ADAMTS6: variants seen among roughly 807,000 people sequenced by gnomAD.
ADAMTS6 encodes A disintegrin and metalloproteinase with thrombospondin motifs 6.
A neutral mutation model predicts 144.3 loss-of-function variants in ADAMTS6; 23 were observed. That is an observed-to-expected ratio of 0.16 (90% CI 0.11 to 0.23). The LOEUF (loss-of-function observed/expected upper bound fraction) is 0.23, where lower values mean the gene tolerates loss of function less well. Among genes scored for constraint, ADAMTS6 ranks in the 10% least tolerant of loss-of-function variants. The pLI is 1.00. For missense variants in ADAMTS6, 999 were observed against 1,379.6 expected (o/e 0.72, Z 4.37); for synonymous variants, 444 against 457.5 (o/e 0.97, Z 0.38).
At chr5:65,270,194 C>G (rs998712114) in intron 12 of ADAMTS6, among the ~76,000 whole-genome samples, 2 of 152,096 alleles carry the variant, frequency 1.3e-5, no homozygotes, top group Admixed American at 6.6e-5. Context: ...GAAAGTTGAC[C>G]AGATTAATTG....
At chr5:65,172,640 C>G (rs143936261) in intron 23 of ADAMTS6, among the ~76,000 whole-genome samples, 192 bp downstream of exon 23, 20 of 152,286 alleles carry the variant, frequency 1.3e-4, no homozygotes, top group Non-Finnish European at 2.6e-4. Context: ...GGGAGAATCA[C>G]TGGCTCACTC....
intron 9 of ADAMTS6, among the ~76,000 whole-genome samples, chr5:65,302,199 G>T (rs10940026): frequency 0.62 from 85,689 of 138,810 alleles, 27,860 homozygotes; most frequent in African/African-American, 0.86. Flanking sequence ...ATATTTATAT[G>T]ATATTATACA....
intron 22 of ADAMTS6, among the ~76,000 whole-genome samples, chr5:65,177,125 C>A (rs369078650): frequency 2.0e-5 from 3 of 152,272 alleles, no homozygotes; most frequent in African/African-American, 7.2e-5. Flanking sequence ...AAGGACCCTA[C>A]CTTGTGCTGT....
At chr5:65,218,682 C>A (rs1289496188) in intron 18 of ADAMTS6, among the ~76,000 whole-genome samples, 1 of 151,646 alleles carries the variant, frequency 6.6e-6, no homozygotes, top group African/African-American at 2.4e-5. Context: ...GGAAGTATGC[C>A]AGATAATGGT....
chr5:65,228,241 AGGCT>A (rs145045945), intron 15 of ADAMTS6, among the ~76,000 whole-genome samples: 29,066 of 151,984 alleles, frequency 0.19, 3,715 homozygotes, highest in African/African-American at 0.37. Flanking sequence ...TTTGTGCATT[AGGCT>A]TTAAAAAGAG....
At chr5:65,374,056 C>G (rs914991964) in intron 7 of ADAMTS6, among the ~76,000 whole-genome samples, 1 of 152,194 alleles carries the variant, frequency 6.6e-6, no homozygotes, top group African/African-American at 2.4e-5. Flanking sequence ...CAAAATTCAA[C>G]AACCCTTCAT....
chr5:65,246,154 G>C (rs553631519), intron 14 of ADAMTS6, among the ~76,000 whole-genome samples: 278 of 152,178 alleles, frequency 1.8e-3, no homozygotes, highest in African/African-American at 6.4e-3. Flanking sequence ...GCAATTATTC[G>C]CAGGTTCTTC....
chr5:65,453,050 T>A lies in ADAMTS6; in HGVS notation c.632-132A>T, dbSNP rs186125225. 2.2e-5 allele frequency: 14 copies of A among 638,216 alleles called. No homozygotes were observed. The East Asian group carries it at 4.2e-4, about 19-fold the overall frequency. 39.5% of individuals were successfully genotyped at this position (638,216 alleles called of 1,614,324 possible). A position where few individuals can be genotyped will look rare whatever the true frequency, so the allele number is the denominator to read the frequency against. ...TTTCAAAGAGAAGAGAATGAGAAAATGCAGTAGTGAGAAAAAAGTCTGTAA... is the reference window on the plus strand; with the variant it reads ...TTTCAAAGAGAAGAGAATGAGAAAAAGCAGTAGTGAGAAAAAAGTCTGTAA... On this transcript the variant is annotated intron_variant, in intron 4 of 24. Coordinates refer to ENST00000381055, the MANE Select transcript of ADAMTS6 (RefSeq NM_197941.4).
chr5:65,205,757 G>A (rs1038521947), intron 20 of ADAMTS6, among the ~76,000 whole-genome samples: 1 of 152,178 alleles, frequency 6.6e-6, no homozygotes, highest in African/African-American at 2.4e-5. Flanking sequence ...TGTCAGGAAA[G>A]AAGTTGCTAG....
intron 22 of ADAMTS6, among the ~76,000 whole-genome samples, chr5:65,174,020 CAA>C (rs33956781): frequency 2.2e-3 from 308 of 141,544 alleles, no homozygotes; most frequent in Non-Finnish European, 3.2e-3. Context: ...GATTCTGTCT[CAA>C]AAAAAAAAAA....
chr5:65,367,189 A>C (rs1314160895), intron 7 of ADAMTS6, among the ~76,000 whole-genome samples: 1 of 152,216 alleles, frequency 6.6e-6, no homozygotes, highest in Non-Finnish European at 1.5e-5. Flanking sequence ...TTCGGCATAC[A>C]CAGGATGCTG....
rs764207668 is a variant in ADAMTS6, at chr5:65,481,327, G to A, written c.-280+16C>T. 1 of 149,948 alleles carries A rather than the reference G, an allele frequency of 6.7e-6. No homozygotes were observed. Among genetic ancestry groups the A allele is most frequent in the Non-Finnish European group, 1.5e-5 (1 of 67,730 alleles). The allele number at this position is 149,948 out of a possible 1,614,324, so 9.3% of individuals were successfully genotyped here. On this transcript the variant is annotated intron_variant, in intron 1 of 24. Transcript: ENST00000381055. ...AAAAAAAAAAGCTCCATTGAATATT[G>A]TTAAGTCTTCCTTACCGTTTTCATC...
At chr5:65,405,485 G>C (rs1213047592) in intron 7 of ADAMTS6, among the ~76,000 whole-genome samples, 1 of 152,136 alleles carries the variant, frequency 6.6e-6, no homozygotes, top group Non-Finnish European at 1.5e-5. Context: ...TAAGGGCTCT[G>C]TTCTGTTCCA....
At chr5:65,300,403 T>C (rs891272254) in intron 9 of ADAMTS6, among the ~76,000 whole-genome samples, 2 of 152,222 alleles carry the variant, frequency 1.3e-5, no homozygotes, top group African/African-American at 4.8e-5. Context: ...GCCGAATATA[T>C]TGTATATCAG....
intron 7 of ADAMTS6, among the ~76,000 whole-genome samples, chr5:65,395,563 C>G (rs943324527): frequency 6.6e-6 from 1 of 152,134 alleles, no homozygotes; most frequent in African/African-American, 2.4e-5. Context: ...TGCCCAAACA[C>G]TGAATATTAT....
chr5:65,225,122 T>C (rs1757634795), intron 16 of ADAMTS6, 75 bp from the exon 17 acceptor site: 7 of 1,386,620 alleles, frequency 5.0e-6, no homozygotes, highest in Admixed American at 2.5e-5. Context: ...TACATATAAC[T>C]TATTTATTTG....
intron 15 of ADAMTS6, among the ~76,000 whole-genome samples, chr5:65,234,043 A>G (rs1758467875): frequency 6.6e-6 from 1 of 151,350 alleles, no homozygotes; most frequent in Non-Finnish European, 1.5e-5. Context: ...CAGTCTCTTC[A>G]ATAAGTGATG....
chr5:65,332,056 A>G (rs972382017), intron 8 of ADAMTS6, among the ~76,000 whole-genome samples: 1 of 151,766 alleles, frequency 6.6e-6, no homozygotes, highest in African/African-American at 2.4e-5. Context: ...ATAGGAAAAC[A>G]CCTCAAATCT....
intron 7 of ADAMTS6, among the ~76,000 whole-genome samples, chr5:65,391,655 T>C (rs138322951): frequency 6.6e-6 from 1 of 152,320 alleles, no homozygotes; most frequent in East Asian, 1.9e-4. Context: ...AGTTTAGGGT[T>C]AGACATTATA....
Sources: gnomAD v4.1 joint callset for allele counts (sites outside exome capture counted in the v4.1 genomes callset) on GRCh38, gnomAD v4.1.1 for gene constraint, MANE v1.5 for transcripts, NCBI Gene and HGNC (gene_info 2026-07-23, HGNC 2026-07-21) for gene names.